SLC26A7: variants seen among roughly 807,000 people sequenced by gnomAD.
The protein encoded by SLC26A7 is anion exchange transporter.
Under a neutral mutation model 82.5 loss-of-function variants are expected in SLC26A7, and 59 were observed. That is an observed-to-expected ratio of 0.72 (90% confidence interval 0.58 to 0.89). The LOEUF (loss-of-function observed/expected upper bound fraction) is 0.89, where lower values mean the gene tolerates loss of function less well. SLC26A7 is among the 40% of genes least tolerant of loss of function. SLC26A7 has a pLI of 0.00. For missense variants in SLC26A7, 820 were observed against 793.0 expected (o/e 1.03, Z -0.41); for synonymous variants, 271 against 274.3 (o/e 0.99, Z 0.12).
In SLC26A7 at chr8:91,318,296, T is replaced by C. The variant is rs762323926; in HGVS notation, c.558T>C (p.Ala186=). ...EPVISAMTTG[A]ATHVVTSQVK... is the part of the protein sequence containing the mutation. ...TGATCAGCGCAATGACAACTGGGGC[T>C]GCCACCCATGTGGTGACTTCACAAG... Residue 186 remains alanine (A), a synonymous_variant, in exon 5 of 19, where the codon GCT becomes GCC. Coordinates refer to ENST00000276609, the MANE Select transcript of SLC26A7 (RefSeq NM_052832.4). 10 of 1,612,484 alleles carry C rather than the reference T, an allele frequency of 6.2e-6. No individual in the cohort carries two copies. Among genetic ancestry groups the C allele is most frequent in the Non-Finnish European group, 8.5e-6 (10 of 1,179,192 alleles).
intron 5 of SLC26A7, among the ~76,000 whole-genome samples, chr8:91,332,318 T>C (rs1473190353): frequency 7.1e-6 from 1 of 141,826 alleles, no homozygotes; most frequent in Non-Finnish European, 1.5e-5. Context: ...ATTATATAAT[T>C]ATATAATTTA....
chr8:91,373,519 C>T (rs1027527083), intron 15 of SLC26A7, among the ~76,000 whole-genome samples: 5 of 151,802 alleles, frequency 3.3e-5, no homozygotes, highest in African/African-American at 1.2e-4. Context: ...ATGTGGTGAA[C>T]CACATTTATT....
Position 91,393,755 on chromosome 8 carries a change from T to C in SLC26A7, c.1777-42T>C, listed in dbSNP as rs370695679. On this transcript the variant is annotated intron_variant, in intron 16 of 18. Coordinates refer to ENST00000276609, the MANE Select transcript of SLC26A7 (RefSeq NM_052832.4). ...GCCCATCTTATTTCCTCCTGCTGGC[T>C]ATTCTGAATTAATTGTGGGTATCCT... 2.6e-5 allele frequency: 42 copies of C among 1,595,864 alleles called. No homozygotes were observed. The African/African-American group carries it at 5.0e-4, about 19-fold the overall frequency.
intron 5 of SLC26A7, among the ~76,000 whole-genome samples, chr8:91,320,251 C>G (rs367774605): frequency 1.3e-5 from 2 of 151,980 alleles, no homozygotes; most frequent in African/African-American, 4.8e-5. Flanking sequence ...TTAGTAGAGA[C>G]GGGGTTTCAC....
At chr8:91,288,990 A>G (rs1811788289) in intron 2 of SLC26A7, 146 bp from the exon 3 acceptor site, 1 of 543,574 alleles carries the variant, frequency 1.8e-6, no homozygotes, top group Non-Finnish European at 3.3e-6. Flanking sequence ...TCTTTTATTT[A>G]GGGCAATAAT....
intron 2 of SLC26A7, among the ~76,000 whole-genome samples, chr8:91,250,978 A>G (rs1237335171): frequency 3.3e-5 from 5 of 152,030 alleles, no homozygotes; most frequent in African/African-American, 1.2e-4. Context: ...GCATTTTTGG[A>G]CTTGCTTTTA....
At chr8:91,371,055 C>G (rs1307369369) in intron 15 of SLC26A7, among the ~76,000 whole-genome samples, 1 of 151,824 alleles carries the variant, frequency 6.6e-6, no homozygotes, top group African/African-American at 2.4e-5. Context: ...ACATCTATTA[C>G]TTTAAACATA....
At chr8:91,355,508 A>G (rs957063211) in intron 11 of SLC26A7, among the ~76,000 whole-genome samples, 1 of 151,870 alleles carries the variant, frequency 6.6e-6, no homozygotes, top group African/African-American at 2.4e-5. Context: ...CTGATTATGT[A>G]TTTCTAGTTG....
intron 13 of SLC26A7, among the ~76,000 whole-genome samples, chr8:91,366,059 A>G (rs1563701959): frequency 1.3e-5 from 2 of 152,192 alleles, no homozygotes; most frequent in Non-Finnish European, 2.9e-5. Context: ...CCCAAAGTGA[A>G]ATTATATTCC....
chr8:91,320,602 T>A (rs1812763963), intron 5 of SLC26A7, among the ~76,000 whole-genome samples: 1 of 152,114 alleles, frequency 6.6e-6, no homozygotes, highest in African/African-American at 2.4e-5. Flanking sequence ...TTGGGAAGTG[T>A]GCTTTGGGGT....
intron 2 of SLC26A7, among the ~76,000 whole-genome samples, chr8:91,267,042 C>T (rs1026203934): frequency 4.0e-5 from 6 of 151,890 alleles, no homozygotes. Flanking sequence ...ATTATGTCTA[C>T]TGGTTGGTGT....
rs888726934 is a variant in SLC26A7, at chr8:91,338,249, T to A, written c.878+17T>A. The A allele has an allele frequency of 4.5e-6, 7 of 1,554,848 alleles. No individual in the cohort carries two copies. The highest frequency in any genetic ancestry group is 6.1e-6 in the Non-Finnish European group (7 of 1,141,906). Reference sequence around the variant, plus strand: ...TCCACAAGGGTAATGTAGTCCTTTTTAAAAACATATTATTTGTTTGTTTGT... The same window carrying A: ...TCCACAAGGGTAATGTAGTCCTTTTAAAAAACATATTATTTGTTTGTTTGT... On this transcript the variant is annotated intron_variant, in intron 7 of 18. Coordinates refer to ENST00000276609, the MANE Select transcript of SLC26A7 (RefSeq NM_052832.4).
intron 2 of SLC26A7, among the ~76,000 whole-genome samples, chr8:91,237,575 C>T (rs74538253): frequency 6.6e-6 from 1 of 152,144 alleles, no homozygotes; most frequent in Admixed American, 6.5e-5. Context: ...CAGACTTGCT[C>T]CATCTGGCAT....
intron 3 of SLC26A7, among the ~76,000 whole-genome samples, chr8:91,291,426 A>G (rs373253944): frequency 8.5e-5 from 13 of 152,164 alleles, no homozygotes; most frequent in East Asian, 3.8e-4. Context: ...TATTTTTTCA[A>G]TTATCTTGCT....
chr8:91,394,916 A>G (rs1808527853), intron 18 of SLC26A7, 146 bp from the exon 19 acceptor site: 1 of 929,514 alleles, frequency 1.1e-6, no homozygotes. Flanking sequence ...GGAGCTTTGA[A>G]CTGCTCTACT....
At chr8:91,394,490 A>C (rs778635955) in intron 18 of SLC26A7, 4 of 1,329,486 alleles carry the variant, frequency 3.0e-6, no homozygotes, top group Non-Finnish European at 3.8e-6. Context: ...ACATGATCTG[A>C]AGTGTCAAAG....
chr8:91,233,613 A>G (rs1034924182), intron 2 of SLC26A7, among the ~76,000 whole-genome samples: 4 of 152,006 alleles, frequency 2.6e-5, no homozygotes, highest in African/African-American at 9.6e-5. Flanking sequence ...AGAAAAAGAA[A>G]ACGTAGGAGA....
At chr8:91,253,060 T>C (rs948138615) in intron 2 of SLC26A7, among the ~76,000 whole-genome samples, 4 of 152,142 alleles carry the variant, frequency 2.6e-5, no homozygotes, top group African/African-American at 9.7e-5. Context: ...TAACCTCCAT[T>C]CGAACCAGAA....
upstream of SLC26A7, among the ~76,000 whole-genome samples, chr8:91,247,185 A>G (rs1261985050): frequency 6.6e-6 from 1 of 152,238 alleles, no homozygotes; most frequent in Non-Finnish European, 1.5e-5. Context: ...TTTACAAAAA[A>G]TCTTTCTGTT....
Sources: allele counts gnomAD v4.1 joint callset (sites outside exome capture counted in the v4.1 genomes callset), GRCh38; gene constraint gnomAD v4.1.1; transcripts MANE v1.5; gene names NCBI Gene and HGNC (gene_info 2026-07-23, HGNC 2026-07-21).